The following KCTD16 variants were observed in gnomAD, a reference collection of about 807,000 sequenced individuals.
KCTD16 encodes the protein potassium channel tetramerization domain containing 16, also known as BTB/POZ domain-containing protein KCTD16.
Under a neutral mutation model 33.2 loss-of-function variants are expected in KCTD16, and 13 were observed. That is an observed-to-expected ratio of 0.39 (90% CI 0.25 to 0.62). The LOEUF (loss-of-function observed/expected upper bound fraction) is 0.62. Ranked by LOEUF, KCTD16 falls within the 20% of genes least tolerant of loss-of-function variation. KCTD16 has a pLI of 0.50. For missense variants in KCTD16, 441 were observed against 525.1 expected, an observed-to-expected ratio of 0.84 and a Z score of 1.57; for synonymous variants, 197 against 195.3, an observed-to-expected ratio of 1.01 and a Z score of -0.07.
intron 3 of KCTD16, among the ~76,000 whole-genome samples, chr5:144,320,773 AC>A (rs781112421): frequency 3.0e-4 from 44 of 147,042 alleles, no homozygotes; most frequent in Middle Eastern, 3.5e-3. Context: ...TTTTTTTTTC[AC>A]TTTTTCCATA....
intron 3 of KCTD16, among the ~76,000 whole-genome samples, chr5:144,236,863 GC>G (rs1000915546): frequency 8.5e-4 from 130 of 152,154 alleles, no homozygotes; most frequent in African/African-American, 3.0e-3. Flanking sequence ...TAAAGTGAGG[GC>G]TTTGGGCTGG....
At chr5:144,414,864 T>C (rs1229147591) in intron 3 of KCTD16, among the ~76,000 whole-genome samples, 1 of 152,136 alleles carries the variant, frequency 6.6e-6, no homozygotes, top group Non-Finnish European at 1.5e-5. Context: ...CAGCAATTGG[T>C]TCAGAGCTAA....
chr5:144,334,827 AG>A (rs1328880261), intron 3 of KCTD16, among the ~76,000 whole-genome samples: 1 of 151,896 alleles, frequency 6.6e-6, no homozygotes, highest in African/African-American at 2.4e-5. Flanking sequence ...CCCGGGTTGG[AG>A]TGTGATGGTG....
chr5:144,401,290 A>G (rs1039620765), intron 3 of KCTD16, among the ~76,000 whole-genome samples: 4 of 152,210 alleles, frequency 2.6e-5, no homozygotes, highest in African/African-American at 9.6e-5. Context: ...GCGATGGATA[A>G]CTATTGATAA....
intron 3 of KCTD16, among the ~76,000 whole-genome samples, chr5:144,338,810 T>C (rs1206405349): frequency 6.6e-6 from 1 of 152,036 alleles, no homozygotes; most frequent in Non-Finnish European, 1.5e-5. Flanking sequence ...GCTATAATGG[T>C]GAAAGGCCAA....
intron 3 of KCTD16, among the ~76,000 whole-genome samples, chr5:144,356,068 T>C (rs17101821): frequency 0.058 from 8,782 of 152,222 alleles, 839 homozygotes; most frequent in African/African-American, 0.2. Context: ...GTGATTGTCT[T>C]ATTCCTAAGA....
At chr5:144,242,635 G>A (rs1029957433) in intron 3 of KCTD16, among the ~76,000 whole-genome samples, 3 of 152,264 alleles carry the variant, frequency 2.0e-5, no homozygotes, top group Non-Finnish European at 4.4e-5. Flanking sequence ...CTCATGATTT[G>A]GCTGGTTGGA....
At chr5:144,368,308 CATA>C (rs1350197614) in intron 3 of KCTD16, among the ~76,000 whole-genome samples, 6 of 151,972 alleles carry the variant, frequency 3.9e-5, no homozygotes. Context: ...ATAGGCCCAG[CATA>C]ATTACATAAG....
rs1157049076 is a variant in KCTD16 at position 144,477,204 on chromosome 5, A to G, written c.*3090A>G. The G allele has an allele frequency of 2.0e-5, 3 of 152,252 alleles. No individual in the cohort carries two copies. In the South Asian group the frequency reaches 6.2e-4, roughly 32 times the overall value. The allele number at this position is 152,252 out of a possible 1,614,324, so 9.4% of individuals were successfully genotyped here. On this transcript the variant is annotated 3_prime_UTR_variant, in exon 4 of 4. Coordinates refer to ENST00000512467, the MANE Select transcript of KCTD16 (RefSeq NM_020768.4). ...ATGTAAAACTACTAGATCATATGGT[A>G]TTGTGATTTTCTTTCCCCTGCTAGG... is the stretch of plus-strand genomic sequence containing the variant.
chr5:144,453,018 T>C (rs557720147), intron 3 of KCTD16, among the ~76,000 whole-genome samples: 1 of 152,172 alleles, frequency 6.6e-6, no homozygotes, highest in South Asian at 2.1e-4. Context: ...GAGGAATGTA[T>C]CTGAAACACA....
chr5:144,376,093 A>T (rs1042512995), intron 3 of KCTD16, among the ~76,000 whole-genome samples: 6 of 151,948 alleles, frequency 3.9e-5, no homozygotes, highest in Non-Finnish European at 5.9e-5. Flanking sequence ...CCAAAGTGCA[A>T]ACTTTTTTTT....
chr5:144,313,118 G>A (rs1363119130), intron 3 of KCTD16, among the ~76,000 whole-genome samples: 1 of 152,166 alleles, frequency 6.6e-6, no homozygotes, highest in Non-Finnish European at 1.5e-5. Context: ...TATGGAGAAA[G>A]GTTGATGAAC....
At chr5:144,400,928 G>T (rs1259534491) in intron 3 of KCTD16, among the ~76,000 whole-genome samples, 1 of 152,078 alleles carries the variant, frequency 6.6e-6, no homozygotes, top group East Asian at 1.9e-4. Context: ...AAGTGCAAAG[G>T]CCAGGAGCTA....
intron 3 of KCTD16, among the ~76,000 whole-genome samples, chr5:144,275,618 G>A (rs1165347843): frequency 1.3e-5 from 2 of 152,140 alleles, no homozygotes; most frequent in African/African-American, 2.4e-5. Flanking sequence ...ATTCCAAAGA[G>A]TGTCATGGGA....
At chr5:144,280,550 CTTTCTT>C (rs1333196017) in intron 3 of KCTD16, among the ~76,000 whole-genome samples, 1 of 152,140 alleles carries the variant, frequency 6.6e-6, no homozygotes. Flanking sequence ...TTTTCTCTCT[CTTTCTT>C]TTTCAGTCTG....
intron 3 of KCTD16, among the ~76,000 whole-genome samples, chr5:144,222,766 A>G (rs1456737279): frequency 6.6e-6 from 1 of 152,226 alleles, no homozygotes; most frequent in Non-Finnish European, 1.5e-5. Context: ...TAGAAATACC[A>G]TTTGACCCAG....
chr5:144,271,448 AC>A (rs1222241975), intron 3 of KCTD16, among the ~76,000 whole-genome samples: 1 of 152,022 alleles, frequency 6.6e-6, no homozygotes, highest in East Asian at 1.9e-4. Flanking sequence ...AAAACTTAAT[AC>A]CTTTTTGTGA....
intron 3 of KCTD16, among the ~76,000 whole-genome samples, chr5:144,266,562 G>T (rs1055000561): frequency 6.6e-6 from 1 of 152,164 alleles, no homozygotes; most frequent in East Asian, 1.9e-4. Flanking sequence ...GAATCTAATG[G>T]GCTTATTTAA....
intron 3 of KCTD16, among the ~76,000 whole-genome samples, chr5:144,300,436 A>C (rs1305697644): frequency 6.6e-6 from 1 of 152,196 alleles, no homozygotes; most frequent in African/African-American, 2.4e-5. Context: ...TGTACCATTT[A>C]ATAGGGTGCA....
Sources: allele counts gnomAD v4.1 joint callset (sites outside exome capture counted in the v4.1 genomes callset), GRCh38; gene constraint gnomAD v4.1.1; transcripts MANE v1.5; gene names NCBI Gene and HGNC (gene_info 2026-07-23, HGNC 2026-07-21).